Variants in SORCS2 observed in about 807,000 individuals in gnomAD.
SORCS2 encodes the protein sortilin related VPS10 domain containing receptor 2.
In SORCS2, 100 loss-of-function variants were observed where a neutral mutation model predicts 141.6. The observed-to-expected ratio is 0.71, with a 90% confidence interval of 0.60 to 0.83. SORCS2 has a LOEUF of 0.83. SORCS2 is among the 40% of genes least tolerant of loss of function. The pLI is 0.00. For missense variants in SORCS2, 1,646 were observed against 1,560.2 expected, an observed-to-expected ratio of 1.05 and a Z score of -0.93; for synonymous variants, 789 against 676.9, an observed-to-expected ratio of 1.17 and a Z score of -2.57.
intron 3 of SORCS2, among the ~76,000 whole-genome samples, chr4:7,598,959 T>C (rs1433269234): frequency 1.3e-5 from 2 of 152,154 alleles, no homozygotes; most frequent in African/African-American, 4.8e-5. Context: ...TTGTTTTCCA[T>C]TGCACGGTGC....
intron 3 of SORCS2, among the ~76,000 whole-genome samples, chr4:7,626,899 A>G (rs563775913): frequency 1.3e-5 from 2 of 152,322 alleles, no homozygotes; most frequent in South Asian, 4.1e-4. Flanking sequence ...CCAGTATGGT[A>G]CTGTTCCCCA....
chr4:7,700,871 T>TC (rs1725024291), intron 12 of SORCS2, among the ~76,000 whole-genome samples: 1 of 152,000 alleles, frequency 6.6e-6, no homozygotes, highest in African/African-American at 2.4e-5. Flanking sequence ...ACAGACAGAG[T>TC]CCCCGTGGAA....
intron 3 of SORCS2, among the ~76,000 whole-genome samples, chr4:7,616,005 TA>T (rs1214473504): frequency 6.6e-6 from 1 of 152,226 alleles, no homozygotes; most frequent in Non-Finnish European, 1.5e-5. Flanking sequence ...TACTTATTAC[TA>T]AAAAAAGTTA....
chr4:7,607,641 A>G (rs1268635610), intron 3 of SORCS2, among the ~76,000 whole-genome samples: 1 of 152,206 alleles, frequency 6.6e-6, no homozygotes, highest in Non-Finnish European at 1.5e-5. Flanking sequence ...AGGCAACTGC[A>G]TCCAGTCATG....
intron 2 of SORCS2, chr4:7,433,794 G>T: frequency 6.2e-7 from 1 of 1,613,636 alleles, no homozygotes; most frequent in Non-Finnish European, 8.5e-7. Flanking sequence ...ACAGACGGAT[G>T]AACTTGCACA....
At chr4:7,632,823 C>G (rs1376706965) in intron 3 of SORCS2, among the ~76,000 whole-genome samples, 2 of 152,080 alleles carry the variant, frequency 1.3e-5, no homozygotes, top group Non-Finnish European at 2.9e-5. Flanking sequence ...CAAGAGGACC[C>G]TAGGGCCACC....
intron 1 of SORCS2, among the ~76,000 whole-genome samples, chr4:7,338,023 C>T (rs561271319): frequency 1.7e-4 from 26 of 152,346 alleles, no homozygotes; most frequent in Non-Finnish European, 3.2e-4. Flanking sequence ...CATTGCGTAC[C>T]TGCTGGGTTT....
At chr4:7,531,679 C>T (rs548172951) in intron 3 of SORCS2, 50 bp downstream of exon 3, 2 of 1,558,382 alleles carry the variant, frequency 1.3e-6, no homozygotes, top group African/African-American at 2.7e-5. Context: ...CCTTGTGCCG[C>T]TCACTCTGCA....
At chr4:7,724,138 G>A (rs1726814088) in intron 19 of SORCS2, among the ~76,000 whole-genome samples, 1 of 143,246 alleles carries the variant, frequency 7.0e-6, no homozygotes, top group Middle Eastern at 3.4e-3. Context: ...TGGTGGTGGT[G>A]GTGATGGTCG....
chr4:7,730,986 C>T (rs532445949), intron 23 of SORCS2, among the ~76,000 whole-genome samples: 2 of 152,350 alleles, frequency 1.3e-5, no homozygotes, highest in Admixed American at 6.5e-5. Flanking sequence ...AGGGGAAGGA[C>T]AGTGCACACT....
At chr4:7,410,588 C>A in intron 2 of SORCS2, among the ~76,000 whole-genome samples, 1 of 152,174 alleles carries the variant, frequency 6.6e-6, no homozygotes, top group African/African-American at 2.4e-5. Context: ...AGGTCTGTTT[C>A]CTTCCTTCTC....
chr4:7,617,351 T>C (rs1449483631), intron 3 of SORCS2, among the ~76,000 whole-genome samples: 1 of 152,102 alleles, frequency 6.6e-6, no homozygotes, highest in Non-Finnish European at 1.5e-5. Context: ...TCCATCAATA[T>C]ATGCACCTAC....
intron 1 of SORCS2, among the ~76,000 whole-genome samples, chr4:7,365,458 C>T (rs190062635): frequency 6.6e-6 from 1 of 152,120 alleles, no homozygotes; most frequent in Non-Finnish European, 1.5e-5. Flanking sequence ...AGAGCCTGGT[C>T]TGGGGTGTCC....
intron 1 of SORCS2, among the ~76,000 whole-genome samples, chr4:7,351,217 C>A (rs567426606): frequency 6.6e-6 from 1 of 152,198 alleles, no homozygotes; most frequent in Admixed American, 6.5e-5. Context: ...AGCGCAGGGA[C>A]TTCACATCTG....
At chr4:7,422,491 G>T (rs888822655) in intron 2 of SORCS2, among the ~76,000 whole-genome samples, 1 of 152,150 alleles carries the variant, frequency 6.6e-6, no homozygotes. Context: ...AGGGGCTGGG[G>T]TCTACACTCA....
At chr4:7,211,463 T>C (rs912631641) in intron 1 of SORCS2, among the ~76,000 whole-genome samples, 1 of 152,136 alleles carries the variant, frequency 6.6e-6, no homozygotes, top group Non-Finnish European at 1.5e-5. Context: ...GATCTCCGCC[T>C]CCTGGGTTCA....
In SORCS2 at chr4:7,516,711, T is replaced by C. The variant is rs146081050; in HGVS notation, c.549-14819T>C. 2.8e-3 allele frequency among the ~76,000 whole-genome samples: 425 copies of C among 152,222 alleles called. 7 individuals are homozygous for C. Among genetic ancestry groups the C allele is most frequent in the Admixed American group, 0.024 (361 of 15,292 alleles). On this transcript the variant is annotated intron_variant, in intron 2 of 26. Transcript: ENST00000507866. ...ACGGCATGAAGTTCCCAGAAGGAAC[T>C]GGGCCACACTCATCCCCTGCCTGCA...
chr4:7,569,881 A>G (rs1715271339), intron 3 of SORCS2, among the ~76,000 whole-genome samples: 1 of 152,170 alleles, frequency 6.6e-6, no homozygotes, highest in African/African-American at 2.4e-5. Flanking sequence ...CACTGGGTGG[A>G]TGTGGCCTCT....
intron 1 of SORCS2, among the ~76,000 whole-genome samples, chr4:7,302,790 C>CGCGCGCGTGTGTGT (rs1560176473): frequency 1.4e-5 from 2 of 147,372 alleles, no homozygotes. Flanking sequence ...TGTGTGTGTG[C>CGCGCGCGTGTGTGT]GCGCGCGTGT....
Sources: gnomAD v4.1 joint callset for allele counts (sites outside exome capture counted in the v4.1 genomes callset) on GRCh38, gnomAD v4.1.1 for gene constraint, MANE v1.5 for transcripts, NCBI Gene and HGNC (gene_info 2026-07-23, HGNC 2026-07-21) for gene names.